ENTREP2: variants seen among roughly 807,000 people sequenced by gnomAD.
ENTREP2 encodes protein ENTREP2.
the ENTREP2 span, among the ~76,000 whole-genome samples, chr15:29,276,430 T>G: frequency 7.9e-5 from 12 of 152,366 alleles, no homozygotes; most frequent in East Asian, 2.3e-3. Context: ...TCTTCCCACC[T>G]TTAAAAGACC....
the ENTREP2 span, among the ~76,000 whole-genome samples, chr15:29,425,544 T>G: frequency 6.6e-6 from 1 of 152,218 alleles, no homozygotes; most frequent in African/African-American, 2.4e-5. Flanking sequence ...TTTACCCCAA[T>G]CTAAAAGTGC....
At chr15:29,481,898 A>G in the ENTREP2 span, among the ~76,000 whole-genome samples, 127 of 152,316 alleles carry the variant, frequency 8.3e-4, no homozygotes, top group Non-Finnish European at 1.5e-3. Flanking sequence ...TTTGGTTCAC[A>G]GCAAAATGGA....
the ENTREP2 span, among the ~76,000 whole-genome samples, chr15:29,290,974 G>A: frequency 6.6e-6 from 1 of 152,200 alleles, no homozygotes; most frequent in Non-Finnish European, 1.5e-5. Context: ...TGCAGTTCCT[G>A]CCTCCCTTGC....
chr15:29,374,366 T>C, the ENTREP2 span: 2 of 152,166 alleles, frequency 1.3e-5, no homozygotes, highest in African/African-American at 2.4e-5. Flanking sequence ...TTTGGGGTTT[T>C]TGGTTTTATT....
the ENTREP2 span, among the ~76,000 whole-genome samples, chr15:29,136,669 T>G: frequency 2.0e-5 from 3 of 151,832 alleles, no homozygotes; most frequent in Non-Finnish European, 4.4e-5. Context: ...CTTTTGTTTT[T>G]TTTTTTTTTC....
the ENTREP2 span, among the ~76,000 whole-genome samples, chr15:29,210,804 G>A: frequency 6.6e-6 from 1 of 152,136 alleles, no homozygotes; most frequent in African/African-American, 2.4e-5. Context: ...TCAAAGCAGT[G>A]GTCTCTGTGT....
the ENTREP2 span, among the ~76,000 whole-genome samples, chr15:29,192,205 A>G: frequency 2.6e-5 from 4 of 152,238 alleles, no homozygotes; most frequent in Non-Finnish European, 4.4e-5. Context: ...TTAAAACAGC[A>G]TTAATGACCA....
chr15:29,567,605 T>A, the ENTREP2 span, among the ~76,000 whole-genome samples: 1 of 152,124 alleles, frequency 6.6e-6, no homozygotes, highest in Non-Finnish European at 1.5e-5. Flanking sequence ...CAGGCTCAGT[T>A]CTGCTGTGTT....
chr15:29,597,334 T>C, the ENTREP2 span, among the ~76,000 whole-genome samples: 1 of 151,760 alleles, frequency 6.6e-6, no homozygotes, highest in African/African-American at 2.4e-5. Context: ...TTTGGGAGGC[T>C]GAGGCAGGTG....
the ENTREP2 span, among the ~76,000 whole-genome samples, chr15:29,398,648 C>T: frequency 3.3e-5 from 5 of 152,102 alleles, no homozygotes; most frequent in Admixed American, 1.3e-4. Flanking sequence ...CACTGGAACC[C>T]GGGAAACGGA....
At chr15:29,359,775 A>G in the ENTREP2 span, among the ~76,000 whole-genome samples, 2 of 152,190 alleles carry the variant, frequency 1.3e-5, no homozygotes, top group Admixed American at 6.5e-5. Flanking sequence ...CAAATTTGAA[A>G]CCTTTGAGTC....
At chr15:29,666,264 C>T in the ENTREP2 span, among the ~76,000 whole-genome samples, 1 of 152,154 alleles carries the variant, frequency 6.6e-6, no homozygotes, top group African/African-American at 2.4e-5. Context: ...CCTCCCCAGC[C>T]ACCTTCATCC....
At chr15:29,215,744 C>T in the ENTREP2 span, among the ~76,000 whole-genome samples, 2 of 151,988 alleles carry the variant, frequency 1.3e-5, no homozygotes, top group Admixed American at 6.6e-5. Flanking sequence ...TGTCAATTTG[C>T]GTGAAATGCC....
chr15:29,525,949 AAAGT>A, the ENTREP2 span, among the ~76,000 whole-genome samples: 1 of 152,246 alleles, frequency 6.6e-6, no homozygotes, highest in African/African-American at 2.4e-5. Flanking sequence ...AGTAACTACG[AAAGT>A]AATTTCTTCA....
At chr15:29,264,142 GAGACTCCGTC>G in the ENTREP2 span, among the ~76,000 whole-genome samples, 2 of 6,332 alleles carry the variant, frequency 3.2e-4, no homozygotes, top group Admixed American at 9.8e-4. Context: ...GCGACAGAGC[GAGACTCCGTC>G]TCAAAAAAAA....
At chr15:29,538,371 G>C in the ENTREP2 span, among the ~76,000 whole-genome samples, 1 of 152,184 alleles carries the variant, frequency 6.6e-6, no homozygotes, top group African/African-American at 2.4e-5. Context: ...GAGAGCTGAA[G>C]AGGCAAACGA....
the ENTREP2 span, among the ~76,000 whole-genome samples, chr15:29,575,757 A>C: frequency 6.6e-6 from 1 of 152,218 alleles, no homozygotes; most frequent in Non-Finnish European, 1.5e-5. Context: ...AATTATAATA[A>C]TATCTAAAAG....
At chr15:29,499,091 C>G in the ENTREP2 span, among the ~76,000 whole-genome samples, 8 of 152,256 alleles carry the variant, frequency 5.3e-5, no homozygotes, top group East Asian at 5.8e-4. Flanking sequence ...GTTTTTAAAT[C>G]TATTCAGCCA....
At chr15:29,232,545 T>C in the ENTREP2 span, among the ~76,000 whole-genome samples, 2 of 151,844 alleles carry the variant, frequency 1.3e-5, no homozygotes, top group African/African-American at 4.8e-5. Flanking sequence ...CACACTGGAG[T>C]GCAGTGGTAC....
Sources: allele counts gnomAD v4.1 joint callset (sites outside exome capture counted in the v4.1 genomes callset), GRCh38; gene constraint gnomAD v4.1.1; transcripts MANE v1.5; gene names NCBI Gene and HGNC (gene_info 2026-07-23, HGNC 2026-07-21).